IRAG2: variants seen among roughly 807,000 people sequenced by gnomAD.
IRAG2 encodes the protein inositol 1,4,5-triphosphate receptor associated 2.
Under a neutral mutation model 69.9 loss-of-function variants are expected in IRAG2, and 45 were observed. The observed-to-expected ratio is 0.64, with a 90% CI of 0.51 to 0.83. The LOEUF (loss-of-function observed/expected upper bound fraction) is 0.83, where lower values mean the gene tolerates loss of function less well. Among genes scored for constraint, IRAG2 ranks in the 40% least tolerant of loss-of-function variants. The pLI, the probability that IRAG2 is intolerant of heterozygous loss-of-function variation, is 0.00. For missense variants in IRAG2, 520 were observed against 587.0 expected (o/e 0.89, Z 1.18); for synonymous variants, 193 against 202.4 (o/e 0.95, Z 0.40).
At chr12:25,079,804 A>C in intron 9 of IRAG2, 41 bp downstream of exon 9, 5 of 1,311,554 alleles carry the variant, frequency 3.8e-6, no homozygotes, top group Non-Finnish European at 5.5e-6. Context: ...TAATTCTAAA[A>C]CACGAAGCAA....
intron 9 of IRAG2, 125 bp downstream of exon 9, chr12:25,079,888 T>C: frequency 1.6e-6 from 1 of 609,490 alleles, no homozygotes. Flanking sequence ...AAATAATTCT[T>C]ATAAAACAAT....
At position 25,079,381 on chromosome 12, in the gene IRAG2, T is replaced by C; in HGVS notation, c.72-17T>C. On this transcript the variant is annotated splice_polypyrimidine_tract_variant and intron_variant, in intron 7 of 21. Transcript: ENST00000556887. ...TGGACCTGACATTCCAAAACATGTT[T>C]GCTATCTTTTTGGCAGGGAATATTC... 2 of 1,611,996 alleles carry C rather than the reference T, an allele frequency of 1.2e-6. No homozygotes were observed.
At chr12:25,106,272 T>C (rs1031867598) in intron 20 of IRAG2, among the ~76,000 whole-genome samples, 3 of 150,614 alleles carry the variant, frequency 2.0e-5, no homozygotes, top group Non-Finnish European at 4.4e-5. Flanking sequence ...ATTTGTTTTA[T>C]ATATACACAT....
In IRAG2 at chr12:25,076,463, G is replaced by A. The variant is rs928215436; in HGVS notation, c.25-2781G>A. The stretch of plus-strand genomic sequence containing the variant: ...ATATGTAACATAATGGAGGCAAACT[G>A]TATTTTTACTGTATTTATTACTTTG... On this transcript the variant is annotated intron_variant, in intron 6 of 21. Transcript: ENST00000556887. 7.1e-6 allele frequency: 7 copies of A among 983,144 alleles called. No homozygotes were observed. In the African/African-American group the frequency reaches 1.2e-4, roughly 17 times the overall value. 60.9% of individuals were successfully genotyped at this position (983,144 alleles called of 1,614,324 possible). A position where few individuals can be genotyped will look rare whatever the true frequency, so the allele number is the denominator to read the frequency against.
At chr12:25,100,021 A>AAAAAAAAAAAAAAAAAG (rs1948662746) in intron 15 of IRAG2, among the ~76,000 whole-genome samples, 1 of 146,178 alleles carries the variant, frequency 6.8e-6, no homozygotes, top group Non-Finnish European at 1.5e-5. Context: ...AAAAAAAAAA[A>AAAAAAAAAAAAAAAAAG]AAAATGGGCA....
At chr12:25,101,131 G>T (rs775615987) in intron 15 of IRAG2, 47 bp from the exon 16 acceptor site, 2 of 1,512,256 alleles carry the variant, frequency 1.3e-6, no homozygotes, top group Non-Finnish European at 1.8e-6. Context: ...TCTTTTAATT[G>T]AGAGTAGTAT....
In IRAG2 at chr12:25,079,377, T is replaced by C. The variant is rs1271466095; in HGVS notation, c.72-21T>C. On this transcript the variant is annotated intron_variant, in intron 7 of 21. Coordinates refer to ENST00000556887, the MANE Select transcript of IRAG2 (RefSeq NM_001366544.2). Reference sequence around the variant, plus strand: ...TATTTGGACCTGACATTCCAAAACATGTTTGCTATCTTTTTGGCAGGGAAT... The same window carrying C: ...TATTTGGACCTGACATTCCAAAACACGTTTGCTATCTTTTTGGCAGGGAAT... 4 of 1,611,530 alleles carry C rather than the reference T, an allele frequency of 2.5e-6. No individual in the cohort carries two copies. The South Asian group carries it at 4.4e-5, about 18-fold the overall frequency.
chr12:25,099,254 C>CT (rs1356052026), intron 15 of IRAG2, among the ~76,000 whole-genome samples: 1 of 152,190 alleles, frequency 6.6e-6, no homozygotes, highest in East Asian at 1.9e-4. Flanking sequence ...CCATTCAAAA[C>CT]TGACTGTTCA....
intron 9 of IRAG2, among the ~76,000 whole-genome samples, chr12:25,029,823 G>A (rs1310990217): frequency 1.3e-5 from 2 of 152,200 alleles, no homozygotes; most frequent in Non-Finnish European, 2.9e-5. Context: ...TGAGACTACA[G>A]GCATGTGCCG....
At chr12:25,021,433 T>C (rs1005200412) in intron 7 of IRAG2, among the ~76,000 whole-genome samples, 3 of 152,072 alleles carry the variant, frequency 2.0e-5, no homozygotes, top group Admixed American at 6.5e-5. Flanking sequence ...TGTGAAACTT[T>C]CACCTTTTTT....
intron 16 of IRAG2, among the ~76,000 whole-genome samples, chr12:25,043,746 C>G (rs1456221436): frequency 6.6e-6 from 1 of 152,164 alleles, no homozygotes; most frequent in Non-Finnish European, 1.5e-5. Flanking sequence ...TAAGGGATTT[C>G]TCCGGTATGA....
chr12:25,079,817 C>A (rs909003313), intron 9 of IRAG2, 54 bp downstream of exon 9: 1 of 1,156,468 alleles, frequency 8.6e-7, no homozygotes, highest in Non-Finnish European at 1.3e-6. Flanking sequence ...CGAAGCAAGT[C>A]TATAAGCTAG....
At chr12:25,059,352 T>C (rs1449133882) in intron 1 of IRAG2, among the ~76,000 whole-genome samples, 2 of 152,264 alleles carry the variant, frequency 1.3e-5, no homozygotes, top group East Asian at 3.9e-4. Flanking sequence ...TTAGAAATAC[T>C]TATTTTTTTT....
chr12:25,101,623 A>G (rs11047835), intron 16 of IRAG2, among the ~76,000 whole-genome samples: 16,639 of 152,202 alleles, frequency 0.11, 1,044 homozygotes, highest in Middle Eastern at 0.19. Context: ...TACTTAGGAT[A>G]CATTAGAATT....
chr12:25,079,597 T>A (rs1947058075), intron 8 of IRAG2, 59 bp from the exon 9 acceptor site: 1 of 1,281,834 alleles, frequency 7.8e-7, no homozygotes, highest in Admixed American at 1.7e-5. Flanking sequence ...TATAGTTAAA[T>A]ACACTATATA....
At chr12:25,081,514 A>G (rs1374118262) in intron 9 of IRAG2, among the ~76,000 whole-genome samples, 1 of 152,236 alleles carries the variant, frequency 6.6e-6, no homozygotes. Flanking sequence ...GACAGCAGGT[A>G]ACTGAAACCA....
chr12:25,045,350 G>A (rs1283360974), intron 16 of IRAG2, among the ~76,000 whole-genome samples: 1 of 151,842 alleles, frequency 6.6e-6, no homozygotes, highest in Admixed American at 6.6e-5. Flanking sequence ...ACTAGAAAAA[G>A]AACAACTTAA....
intron 5 of IRAG2, 47 bp from the exon 6 acceptor site, chr12:25,069,303 T>A (rs971002978): frequency 1.2e-5 from 10 of 833,940 alleles, no homozygotes; most frequent in African/African-American, 3.4e-5. Context: ...CTGCTAAGAT[T>A]TGCAGTTTTT....
rs1222497898 is a variant in IRAG2 at position 25,102,205 on chromosome 12, C to T, written c.897C>T (p.Cys299=). ...ATGTGTTTTTCCTTTCAGATGACTGCCAAATTAAAAAACGTTCAGCTTCTC... is the reference window on the plus strand; with the variant it reads ...ATGTGTTTTTCCTTTCAGATGACTGTCAAATTAAAAAACGTTCAGCTTCTC... The part of the protein sequence containing the change: ...SFNPLEDDDD[C]QIKKRSASLN... Residue 299 remains cysteine, a synonymous_variant, in exon 17 of 22, where the codon TGC becomes TGT. Transcript: ENST00000556887. 3 of 1,612,844 alleles carry T rather than the reference C, an allele frequency of 1.9e-6. No homozygotes were observed. The highest frequency in any genetic ancestry group is 2.5e-6 in the Non-Finnish European group (3 of 1,179,256).
Sources: gnomAD v4.1 joint callset for allele counts (sites outside exome capture counted in the v4.1 genomes callset) on GRCh38, gnomAD v4.1.1 for gene constraint, MANE v1.5 for transcripts, NCBI Gene and HGNC (gene_info 2026-07-23, HGNC 2026-07-21) for gene names.